Variants in STK32B observed in about 807,000 individuals in gnomAD.
The protein encoded by STK32B is serine/threonine kinase 32B.
A neutral mutation model predicts 52.6 loss-of-function variants in STK32B; 43 were observed. The observed-to-expected ratio is 0.82, with a 90% CI of 0.64 to 1.05. The LOEUF (loss-of-function observed/expected upper bound fraction) is 1.05. Among genes scored for constraint, STK32B ranks in the 50% least tolerant of loss-of-function variants. The pLI, the probability that STK32B is intolerant of heterozygous loss-of-function variation, is 0.00. For synonymous variants in STK32B, 238 were observed against 204.3 expected, an observed-to-expected ratio of 1.17 and a Z score of -1.41; for missense variants, 621 against 534.6, an observed-to-expected ratio of 1.16 and a Z score of -1.59.
intron 7 of STK32B, 74 bp downstream of exon 7, chr4:5,446,850 G>T: frequency 1.3e-6 from 2 of 1,490,594 alleles, no homozygotes; most frequent in Non-Finnish European, 1.9e-6. Context: ...GACGGGCAGA[G>T]TCGGCAGGGC....
rs1341825382 is a variant in STK32B at position 5,446,770 on chromosome 4, G to T, written c.660G>T (p.Arg220=). 1.9e-6 allele frequency: 3 copies of T among 1,613,876 alleles called. No individual in the cohort carries two copies. Among genetic ancestry groups the T allele is most frequent in the Non-Finnish European group, 1.7e-6 (2 of 1,179,976 alleles). Residue 220 remains arginine, a synonymous_variant, in exon 7 of 12, where the codon CGG becomes CGT. Transcript: ENST00000282908. The stretch of plus-strand genomic sequence containing the variant: ...GCATCACAGCCTATGAGCTGCTGCG[G>T]GGCTGGGTAAGACAGGCACCTGTGC... ...SLGITAYELL[R]GWRPYEIHSV...
At chr4:5,352,382 T>TA (rs1733883604) in intron 4 of STK32B, among the ~76,000 whole-genome samples, 1 of 151,976 alleles carries the variant, frequency 6.6e-6, no homozygotes, top group African/African-American at 2.4e-5. Flanking sequence ...AAGAATTTGA[T>TA]AAAATTCAAT....
At chr4:5,025,765 C>T in the STK32B span, among the ~76,000 whole-genome samples, 1 of 152,224 alleles carries the variant, frequency 6.6e-6, no homozygotes, top group Admixed American at 6.5e-5. Context: ...GAAACTCAAA[C>T]TCAGACTATG....
the STK32B span, among the ~76,000 whole-genome samples, chr4:5,045,893 C>G: frequency 1.2e-3 from 189 of 152,248 alleles, 2 homozygotes; most frequent in African/African-American, 4.4e-3. Context: ...TTGAATACCC[C>G]TTATGTCTTT....
At chr4:5,376,226 C>T (rs77441252) in intron 4 of STK32B, among the ~76,000 whole-genome samples, 5,694 of 152,284 alleles carry the variant, frequency 0.037, 354 homozygotes, top group African/African-American at 0.13. Flanking sequence ...TTTTTAAACA[C>T]GTGCTATAGG....
the STK32B span, among the ~76,000 whole-genome samples, chr4:5,032,801 G>A: frequency 4.6e-5 from 7 of 151,874 alleles, no homozygotes; most frequent in South Asian, 4.2e-4. Context: ...CCCACTCCTC[G>A]CTCCCTCCAG....
At chr4:5,480,816 A>T (rs1262729273) in intron 11 of STK32B, among the ~76,000 whole-genome samples, 7 of 150,890 alleles carry the variant, frequency 4.6e-5, no homozygotes, top group Non-Finnish European at 1.0e-4. Context: ...CCCACCTATC[A>T]GTGATAACAT....
At chr4:5,102,947 C>G (rs1258223229) in intron 1 of STK32B, among the ~76,000 whole-genome samples, 1 of 126,874 alleles carries the variant, frequency 7.9e-6, no homozygotes, top group African/African-American at 2.9e-5. Flanking sequence ...CCCTCCCCCT[C>G]CTCTCCTTTT....
At chr4:5,315,438 T>C (rs1228929231) in intron 3 of STK32B, among the ~76,000 whole-genome samples, 1 of 121,570 alleles carries the variant, frequency 8.2e-6, no homozygotes, top group Non-Finnish European at 1.5e-5. Flanking sequence ...ACTTACTGAG[T>C]ATTTATATGT....
chr4:5,400,757 C>T lies in STK32B; in HGVS notation c.472+2513C>T, dbSNP rs914681051. 3.9e-5 allele frequency among the ~76,000 whole-genome samples: 6 copies of T among 152,140 alleles called. No homozygotes were observed. The highest frequency in any genetic ancestry group is 7.2e-5 in the African/African-American group (3 of 41,412). On this transcript the variant is annotated intron_variant, in intron 5 of 11. Coordinates refer to ENST00000282908, the MANE Select transcript of STK32B (RefSeq NM_018401.3). The surrounding 1 kb of genome is among the most constrained non-coding windows in gnomAD (Gnocchi z 6.1). ...ACCTGCTCTTCTGAGGGGAGCTGAT[C>T]GGCTTTTTGAGCAGAGCCTGAAGCT... is the stretch of plus-strand genomic sequence containing the variant.
At chr4:5,245,616 T>C (rs1345383016) in intron 3 of STK32B, among the ~76,000 whole-genome samples, 3 of 152,170 alleles carry the variant, frequency 2.0e-5, no homozygotes, top group Admixed American at 6.5e-5. Flanking sequence ...CCTGTCATTA[T>C]GATGTTAGCT....
At chr4:5,312,317 T>C (rs1730348255) in intron 3 of STK32B, among the ~76,000 whole-genome samples, 2 of 151,966 alleles carry the variant, frequency 1.3e-5, no homozygotes, top group Admixed American at 1.3e-4. Flanking sequence ...CTTTAAGTTT[T>C]AGGGTACATG....
chr4:5,082,740 A>T (rs1464087202), intron 1 of STK32B, among the ~76,000 whole-genome samples: 2 of 152,212 alleles, frequency 1.3e-5, no homozygotes, highest in African/African-American at 2.4e-5. Context: ...TAAAAAAAAA[A>T]AAATTGGAAA....
At chr4:5,249,289 G>C (rs1362970241) in intron 3 of STK32B, among the ~76,000 whole-genome samples, 5 of 152,086 alleles carry the variant, frequency 3.3e-5, no homozygotes, top group African/African-American at 1.2e-4. Context: ...ATATAGAACG[G>C]GGTTCAGAGA....
chr4:5,267,974 G>A (rs994459351), intron 3 of STK32B, among the ~76,000 whole-genome samples: 10 of 152,164 alleles, frequency 6.6e-5, no homozygotes, highest in Admixed American at 3.9e-4. Context: ...GATGCTTGGG[G>A]CATGCTCTTG....
chr4:5,452,307 G>A (rs1716079821), intron 7 of STK32B, among the ~76,000 whole-genome samples: 2 of 152,226 alleles, frequency 1.3e-5, no homozygotes, highest in East Asian at 1.9e-4. Context: ...GAGCTCCGCC[G>A]AGAGGTGAGA....
rs1358060169 is a variant in STK32B, at chr4:5,176,500, A to G, written c.260+8050A>G. 4.1e-5 allele frequency among the ~76,000 whole-genome samples: 6 copies of G among 146,454 alleles called. No homozygotes were observed. The South Asian group carries it at 8.6e-4, about 21-fold the overall frequency. ...CTCTTGTCACCCAGGCTGGAGTGCA[A>G]TGGTGCAATCTCGGCTCATTGCAAC... On this transcript the variant is annotated intron_variant, in intron 3 of 11. Coordinates refer to ENST00000282908, the MANE Select transcript of STK32B (RefSeq NM_018401.3).
At chr4:5,165,007 C>T (rs1322648280) in intron 2 of STK32B, among the ~76,000 whole-genome samples, 2 of 152,256 alleles carry the variant, frequency 1.3e-5, no homozygotes, top group African/African-American at 4.8e-5. Flanking sequence ...CCCACTCAAT[C>T]TGCAAGAGGG....
At chr4:5,383,144 C>G (rs1205719157) in intron 4 of STK32B, among the ~76,000 whole-genome samples, 1 of 152,240 alleles carries the variant, frequency 6.6e-6, no homozygotes, top group Non-Finnish European at 1.5e-5. Flanking sequence ...GCCCTGCAGT[C>G]AGCCGTGGGT....
Sources: allele counts gnomAD v4.1 joint callset (sites outside exome capture counted in the v4.1 genomes callset), GRCh38; gene constraint gnomAD v4.1.1; non-coding constraint Gnocchi (gnomAD v3.1); transcripts MANE v1.5; gene names NCBI Gene and HGNC (gene_info 2026-07-23, HGNC 2026-07-21).